KDM2A: variants seen among roughly 807,000 people sequenced by gnomAD.
KDM2A encodes lysine demethylase 2A.
Under a neutral mutation model 137.3 loss-of-function variants are expected in KDM2A, and 3 were observed. The ratio of observed to expected loss-of-function variants is 0.02; its 90% CI spans 0.01 to 0.06. The LOEUF (loss-of-function observed/expected upper bound fraction) is 0.06, where lower values mean the gene tolerates loss of function less well. KDM2A is among the 10% of genes least tolerant of loss of function. The pLI, the probability that KDM2A is intolerant of heterozygous loss-of-function variation, is 1.00. For synonymous variants in KDM2A, 512 were observed against 541.5 expected, an observed-to-expected ratio of 0.95 and a Z score of 0.76; for missense variants, 738 against 1,510.6, an observed-to-expected ratio of 0.49 and a Z score of 8.48.
chr11:67,248,227 G>A lies in KDM2A; in HGVS notation c.1966-54G>A, dbSNP rs1364874158. The A allele has an allele frequency of 9.4e-6, 12 of 1,274,632 alleles. No homozygotes were observed. The African/African-American group carries it at 1.0e-4, about 11-fold the overall frequency. The allele number at this position is 1,274,632 out of a possible 1,614,324, so 79.0% of individuals were successfully genotyped here. ...AACTCTTCCCAACTGTGTTATTGTT[G>A]GATAAAGGAAGCTTGAGAGACAGGC... On this transcript the variant is annotated intron_variant, in intron 15 of 20. Coordinates refer to ENST00000529006, the MANE Select transcript of KDM2A (RefSeq NM_012308.3).
chr11:67,124,372 C>T (rs1287933444), intron 2 of KDM2A, among the ~76,000 whole-genome samples: 1 of 151,862 alleles, frequency 6.6e-6, no homozygotes, highest in Non-Finnish European at 1.5e-5. Context: ...AGTGCAGTGG[C>T]ACGATCTTGG....
chr11:67,228,993 A>G (rs1240632347), intron 11 of KDM2A, among the ~76,000 whole-genome samples: 1 of 152,136 alleles, frequency 6.6e-6, no homozygotes, highest in African/African-American at 2.4e-5. Flanking sequence ...CCAAATTGGA[A>G]TTACAGGTGT....
At chr11:67,159,889 A>G (rs1856597504) in intron 2 of KDM2A, among the ~76,000 whole-genome samples, 1 of 152,240 alleles carries the variant, frequency 6.6e-6, no homozygotes, top group Non-Finnish European at 1.5e-5. Flanking sequence ...ATGCCAGTGA[A>G]TACAGAGTTG....
intron 2 of KDM2A, among the ~76,000 whole-genome samples, chr11:67,147,398 CG>C (rs1412003374): frequency 6.6e-6 from 1 of 151,670 alleles, no homozygotes; most frequent in African/African-American, 2.4e-5. Flanking sequence ...GAAAATTAGC[CG>C]GGTGTGGTGG....
At chr11:67,122,961 C>T (rs1193647294) in intron 2 of KDM2A, among the ~76,000 whole-genome samples, 1 of 152,018 alleles carries the variant, frequency 6.6e-6, no homozygotes, top group African/African-American at 2.4e-5. Flanking sequence ...AGGTGTGAGC[C>T]ACTGCATCTG....
At chr11:67,175,669 AT>A (rs1856961020) in intron 2 of KDM2A, among the ~76,000 whole-genome samples, 1 of 152,208 alleles carries the variant, frequency 6.6e-6, no homozygotes, top group African/African-American at 2.4e-5. Flanking sequence ...TGCCTATCAT[AT>A]TAGAAATGTT....
At chr11:67,127,959 C>G (rs1855767273) in intron 2 of KDM2A, among the ~76,000 whole-genome samples, 1 of 149,918 alleles carries the variant, frequency 6.7e-6, no homozygotes, top group African/African-American at 2.5e-5. Flanking sequence ...ATCTGCCTGC[C>G]TCGGCTTCCC....
At chr11:67,236,479 G>C (rs1858875453) in intron 12 of KDM2A, among the ~76,000 whole-genome samples, 1 of 152,094 alleles carries the variant, frequency 6.6e-6, no homozygotes, top group Admixed American at 6.6e-5. Context: ...ATTTATTTTG[G>C]TGATAAAGTA....
In KDM2A at chr11:67,240,481, T is replaced by G. The variant is rs2136440995; in HGVS notation, c.1480-2528T>G. The G allele has an allele frequency of 4.7e-6, 4 of 854,284 alleles. No homozygotes were observed. The South Asian group carries it at 7.3e-5, about 16-fold the overall frequency. The allele number at this position is 854,284 out of a possible 1,614,324, so 52.9% of individuals were successfully genotyped here. ...TGCCTGCCGGGCGAGTCCAGGACAA[T>G]GCTATGTTACTTCGTGTTGCTTGAG... is the stretch of plus-strand genomic sequence containing the variant. On this transcript the variant is annotated intron_variant, in intron 12 of 20. Coordinates refer to ENST00000529006, the MANE Select transcript of KDM2A (RefSeq NM_012308.3).
At chr11:67,128,795 G>A (rs1855788148) in intron 2 of KDM2A, among the ~76,000 whole-genome samples, 1 of 152,198 alleles carries the variant, frequency 6.6e-6, no homozygotes, top group Non-Finnish European at 1.5e-5. Context: ...TTTATGCTGT[G>A]TGCTAGATGC....
chr11:67,245,144 T>C lies in KDM2A; in HGVS notation c.1564-45T>C. 1 of 1,599,050 alleles carries C rather than the reference T, an allele frequency of 6.3e-7. No individual in the cohort carries two copies. Among genetic ancestry groups the C allele is most frequent in the Admixed American group, 1.7e-5 (1 of 59,628 alleles). On this transcript the variant is annotated intron_variant, in intron 13 of 20. Coordinates refer to ENST00000529006, the MANE Select transcript of KDM2A (RefSeq NM_012308.3). The surrounding 1 kb of genome is among the most constrained non-coding windows in gnomAD (Gnocchi z 4.1). Reference sequence around the variant, plus strand: ...ATGTAATCTTCTACCCTATCCAGTCTTAAAGCAACCTGATATATTTGACCT... The same window carrying C: ...ATGTAATCTTCTACCCTATCCAGTCCTAAAGCAACCTGATATATTTGACCT...
chr11:67,122,647 A>AT lies in KDM2A; in HGVS notation c.42+1292dup, dbSNP rs1022360281. 2.2e-3 allele frequency among the ~76,000 whole-genome samples: 238 copies of AT among 105,814 alleles called. 1 individual carries two copies. Among genetic ancestry groups the AT allele is most frequent in the African/African-American group, 0.019 (227 of 11,988 alleles). 69.4% of individuals were successfully genotyped at this position (105,814 alleles called of 152,430 possible). A position where few individuals can be genotyped will look rare whatever the true frequency, so the allele number is the denominator to read the frequency against. On this transcript the variant is annotated intron_variant, in intron 2 of 20. Transcript: ENST00000529006. ...CATGGCCTATTTTTTATTTATTTTTATTTATTTATTTATTTATTTATTTAT... is the reference window on the plus strand; with the variant it reads ...CATGGCCTATTTTTTATTTATTTTTATTTTATTTATTTATTTATTTATTTAT...
At chr11:67,164,619 T>A (rs747582607) in intron 2 of KDM2A, among the ~76,000 whole-genome samples, 9 of 152,058 alleles carry the variant, frequency 5.9e-5, no homozygotes, top group African/African-American at 9.7e-5. Context: ...ACTTGACTGC[T>A]GTTGGACTTT....
chr11:67,217,711 T>C lies in KDM2A; in HGVS notation c.688-20T>C, dbSNP rs1342634008. ...GTCATGTCAATGGCTGTTAACAGAC[T>C]AAAGTTTTTTAACTCACAGGTCTTC... On this transcript the variant is annotated intron_variant, in intron 8 of 20. Transcript: ENST00000529006. 6.2e-7 allele frequency: 1 copy of C among 1,612,664 alleles called. No individual in the cohort carries two copies. The highest frequency in any genetic ancestry group is 1.1e-5 in the South Asian group (1 of 90,768).
At chr11:67,180,286 G>C in intron 3 of KDM2A, 69 bp downstream of exon 3, 3 of 1,497,440 alleles carry the variant, frequency 2.0e-6, no homozygotes, top group Non-Finnish European at 1.8e-6. Flanking sequence ...AGCATTGGGG[G>C]TTTAGCCTTT....
At position 67,254,454 on chromosome 11, in the gene KDM2A, C is replaced by T. The variant is rs2136469046; in HGVS notation, c.3307+36C>T. On this transcript the variant is annotated intron_variant, in intron 20 of 20. Transcript: ENST00000529006. This position sits in a 1 kb window ranked among gnomAD's most constrained non-coding sequence, Gnocchi z 4.7. ...ACAGTTGTTCATAATCAGCGGTGCC[C>T]CCTGCCTCCAGCCCTCCCTGGAACT... The T allele has an allele frequency of 6.4e-7, 1 of 1,573,958 alleles. No homozygotes were observed. Among genetic ancestry groups the T allele is most frequent in the Non-Finnish European group, 8.7e-7 (1 of 1,145,164 alleles).
chr11:67,186,013 T>A (rs1857196389), intron 5 of KDM2A, among the ~76,000 whole-genome samples: 1 of 151,926 alleles, frequency 6.6e-6, no homozygotes, highest in Non-Finnish European at 1.5e-5. Context: ...TTGACACCAC[T>A]AAGCAGACCA....
intron 5 of KDM2A, among the ~76,000 whole-genome samples, chr11:67,193,510 T>G (rs1857405494): frequency 6.6e-6 from 1 of 152,234 alleles, no homozygotes; most frequent in South Asian, 2.1e-4. Context: ...ACACATAAAG[T>G]GCTCAGAAGA....
chr11:67,129,501 G>A (rs542461011), intron 2 of KDM2A, among the ~76,000 whole-genome samples: 3 of 152,146 alleles, frequency 2.0e-5, no homozygotes, highest in East Asian at 1.9e-4. Flanking sequence ...TTGGAAGGCC[G>A]AGGCGGGCGG....
Sources: allele counts gnomAD v4.1 joint callset (sites outside exome capture counted in the v4.1 genomes callset), GRCh38; gene constraint gnomAD v4.1.1; non-coding constraint Gnocchi (gnomAD v3.1); transcripts MANE v1.5; gene names NCBI Gene and HGNC (gene_info 2026-07-23, HGNC 2026-07-21).